Variants in TAF3 observed in about 807,000 individuals in gnomAD.
TAF3 encodes transcription initiation factor TFIID subunit 3.
Under a neutral mutation model 80.6 loss-of-function variants are expected in TAF3, and 7 were observed. That is an observed-to-expected ratio of 0.09 (90% CI 0.05 to 0.16). The LOEUF (loss-of-function observed/expected upper bound fraction) is 0.16, where lower values mean the gene tolerates loss of function less well. TAF3 is among the 10% of genes least tolerant of loss of function. TAF3 has a pLI of 1.00. For missense variants in TAF3, 921 were observed against 1,140.2 expected (o/e 0.81, Z 2.77); for synonymous variants, 444 against 446.1 (o/e 1.00, Z 0.06).
intron 2 of TAF3, among the ~76,000 whole-genome samples, chr10:7,914,393 CT>C (rs1323414393): frequency 1.3e-5 from 2 of 152,192 alleles, no homozygotes; most frequent in African/African-American, 4.8e-5. Flanking sequence ...TCATTTCACT[CT>C]GTTGGTTTGT....
At chr10:7,993,176 C>G (rs1289475887) in intron 4 of TAF3, among the ~76,000 whole-genome samples, 1 of 152,136 alleles carries the variant, frequency 6.6e-6, no homozygotes, top group African/African-American at 2.4e-5. Flanking sequence ...CTACGCTCCT[C>G]CTCCTTTTTT....
rs186629370 is a variant in TAF3, at chr10:8,013,637, G to A, written c.2569-94G>A. ...TTTAGTTTAATATGCCTGTTTATTC[G>A]GTTAACAGTATAAAGTAATCATTCT... On this transcript the variant is annotated intron_variant, in intron 5 of 6. Transcript: ENST00000344293. 6.7e-5 allele frequency: 63 copies of A among 934,990 alleles called. No homozygotes were observed. In the African/African-American group the frequency reaches 8.3e-4, roughly 12 times the overall value. The allele number at this position is 934,990 out of a possible 1,614,324, so 57.9% of individuals were successfully genotyped here.
chr10:8,011,683 A>G (rs1166452950), intron 5 of TAF3, among the ~76,000 whole-genome samples: 1 of 152,228 alleles, frequency 6.6e-6, no homozygotes, highest in Non-Finnish European at 1.5e-5. Context: ...TAGAGGCAAC[A>G]TCACCCCCAA....
At chr10:7,858,806 C>CTGTGTGTGTGTG (rs34538206) in intron 2 of TAF3, among the ~76,000 whole-genome samples, 4 of 150,548 alleles carry the variant, frequency 2.7e-5, no homozygotes, top group African/African-American at 7.3e-5. Context: ...ATTATAGGCT[C>CTGTGTGTGTGTG]TGTGTGTGTG....
At chr10:7,911,452 G>A (rs1478604408) in intron 2 of TAF3, among the ~76,000 whole-genome samples, 3 of 152,232 alleles carry the variant, frequency 2.0e-5, no homozygotes, top group African/African-American at 7.2e-5. Context: ...CAGAGAAGCA[G>A]ACCCAAAGGA....
In TAF3 at chr10:7,964,368, T is replaced by C. The variant is rs1406680821; in HGVS notation, c.858T>C (p.Pro286=). 6.2e-7 allele frequency: 1 copy of C among 1,614,046 alleles called. No homozygotes were observed. Among genetic ancestry groups the C allele is most frequent in the Non-Finnish European group, 8.5e-7 (1 of 1,179,996 alleles). ...TSSPGQKTKS[P]KTAQSPAMVG... ...CTCCAGGACAGAAGACTAAATCACC[T>C]AAAACCGCCCAGTCACCAGCAATGG... Residue 286 remains proline, a synonymous_variant, in exon 3 of 7, where the codon CCT becomes CCC. Coordinates refer to ENST00000344293, the MANE Select transcript of TAF3 (RefSeq NM_031923.4). The surrounding 1 kb of genome is among the most constrained non-coding windows in gnomAD (Gnocchi z 4.1).
chr10:7,892,278 A>G (rs538406061), intron 2 of TAF3, among the ~76,000 whole-genome samples: 4 of 152,358 alleles, frequency 2.6e-5, no homozygotes, highest in Admixed American at 1.3e-4. Context: ...CAGATTTAGC[A>G]TGTGCTGCCT....
Position 7,818,884 on chromosome 10 carries a change from C to A in TAF3, c.166+9C>A. ...TCGGTACTCTGAGCTCTGTGAGTACCGGGCTGGGTGCGGGAGGGCTGCCCC... is the reference window on the plus strand; with the variant it reads ...TCGGTACTCTGAGCTCTGTGAGTACAGGGCTGGGTGCGGGAGGGCTGCCCC... On this transcript the variant is annotated intron_variant, in intron 1 of 6. Transcript: ENST00000344293. 7.0e-7 allele frequency: 1 copy of A among 1,428,114 alleles called. No homozygotes were observed. The highest frequency in any genetic ancestry group is 1.4e-5 in the South Asian group (1 of 71,532). The allele number at this position is 1,428,114 out of a possible 1,614,324, so 88.5% of individuals were successfully genotyped here. A position where few individuals can be genotyped will look rare whatever the true frequency, so the allele number is the denominator to read the frequency against.
intron 2 of TAF3, among the ~76,000 whole-genome samples, chr10:7,835,496 G>A (rs1457013406): frequency 2.6e-5 from 4 of 152,190 alleles, no homozygotes; most frequent in African/African-American, 7.2e-5. Flanking sequence ...CTTCATGTCA[G>A]TTTTCCTTTT....
intron 2 of TAF3, among the ~76,000 whole-genome samples, chr10:7,928,525 C>T (rs1292680898): frequency 6.6e-6 from 1 of 152,074 alleles, no homozygotes; most frequent in East Asian, 1.9e-4. Context: ...ACATATTTTG[C>T]CTGTTGACTC....
intron 3 of TAF3, among the ~76,000 whole-genome samples, chr10:7,967,631 C>T (rs1403081935): frequency 2.0e-5 from 3 of 152,104 alleles, no homozygotes; most frequent in African/African-American, 7.2e-5. Context: ...TAGAATTAGA[C>T]CTGAGTTCAG....
At chr10:7,903,988 C>T (rs183527562) in intron 2 of TAF3, among the ~76,000 whole-genome samples, 23 of 152,162 alleles carry the variant, frequency 1.5e-4, no homozygotes, top group Non-Finnish European at 3.4e-4. Context: ...AGATCTGGGT[C>T]AGGGTGTCTG....
chr10:7,869,963 A>C (rs1307502300), intron 2 of TAF3, among the ~76,000 whole-genome samples: 1 of 152,166 alleles, frequency 6.6e-6, no homozygotes, highest in East Asian at 1.9e-4. Flanking sequence ...GAGATTACTG[A>C]ACTACTTTCG....
At chr10:8,004,173 C>CTG (rs1259277562) in intron 4 of TAF3, among the ~76,000 whole-genome samples, 3 of 152,170 alleles carry the variant, frequency 2.0e-5, no homozygotes, top group African/African-American at 4.8e-5. Flanking sequence ...GCCTCCTCCT[C>CTG]TGGAGTAGCT....
chr10:7,855,353 G>T (rs898057594), intron 2 of TAF3, among the ~76,000 whole-genome samples: 14 of 152,204 alleles, frequency 9.2e-5, no homozygotes, highest in Admixed American at 7.2e-4. Flanking sequence ...ACCGTGGGTT[G>T]AGGCCTGTGA....
chr10:7,865,720 G>C (rs1313893136), intron 2 of TAF3, among the ~76,000 whole-genome samples: 2 of 152,156 alleles, frequency 1.3e-5, no homozygotes, highest in Admixed American at 1.3e-4. Context: ...ATAGAAAGTT[G>C]CTTAGTAAAT....
Position 7,965,491 on chromosome 10 carries a change from T to G in TAF3, c.1981T>G (p.Leu661Val). Residue 661 changes from leucine (L) to valine (V), a missense_variant, in exon 3 of 7, where the codon TTG becomes GTG. Leu to Val is a conservative substitution (Grantham distance 32). Around this residue, in one of 6 missense-constraint regions of TAF3, gnomAD observed 743 missense variants for 821.0 expected, o/e 0.90. Coordinates refer to ENST00000344293, the MANE Select transcript of TAF3 (RefSeq NM_031923.4). ...CCCACTGGTGTTGCCCCCAAAAGAG[T>G]TGGCCCTGCCCTTGTTCAGCCCTGC... The part of the protein sequence containing the change: ...APPLVLPPKE[L>V]ALPLFSPATA... 1 of 1,607,158 alleles carries G rather than the reference T, an allele frequency of 6.2e-7. No homozygotes were observed. Among genetic ancestry groups the G allele is most frequent in the East Asian group, 2.2e-5 (1 of 44,748 alleles).
rs1398215142 is a variant in TAF3 at position 7,863,644 on chromosome 10, T to C, written c.409+39084T>C. The stretch of plus-strand genomic sequence containing the variant: ...AAAAAAAAATATATATATATATATA[T>C]ATACACACACACATATATATATACA... On this transcript the variant is annotated intron_variant, in intron 2 of 6. Coordinates refer to ENST00000344293, the MANE Select transcript of TAF3 (RefSeq NM_031923.4). 4.6e-4 allele frequency among the ~76,000 whole-genome samples: 55 copies of C among 119,456 alleles called. 11 individuals are homozygous for C. Among genetic ancestry groups the C allele is most frequent in the African/African-American group, 1.7e-3 (53 of 32,024 alleles). 78.4% of individuals were successfully genotyped at this position (119,456 alleles called of 152,430 possible).
At chr10:7,958,891 T>C (rs977454262) in intron 2 of TAF3, among the ~76,000 whole-genome samples, 1 of 152,122 alleles carries the variant, frequency 6.6e-6, no homozygotes, top group Non-Finnish European at 1.5e-5. Context: ...TCCCAGCACT[T>C]TGGGAGGCTG....
Sources: allele counts gnomAD v4.1 joint callset (sites outside exome capture counted in the v4.1 genomes callset), GRCh38; gene constraint gnomAD v4.1.1; regional missense constraint gnomAD v4.1.1; non-coding constraint Gnocchi (gnomAD v3.1); transcripts MANE v1.5; gene names NCBI Gene and HGNC (gene_info 2026-07-23, HGNC 2026-07-21).